RLN2: variants seen among roughly 807,000 people sequenced by gnomAD.
RLN2 encodes the protein relaxin 2, also known as prorelaxin H2.
In RLN2, 10 loss-of-function variants were observed where a neutral mutation model predicts 7.3. The observed-to-expected ratio is 1.36, with a 90% CI of 0.84 to 2.31. RLN2 has a LOEUF of 2.31. Ranked by LOEUF, RLN2 falls within the 30% of genes most tolerant of loss-of-function variation. The probability of loss-of-function intolerance (pLI) is 0.00; values close to 1 mark genes in which losing one functional copy is unlikely to be tolerated. For synonymous variants in RLN2, 103 were observed against 82.3 expected (o/e 1.25, Z -1.36); for missense variants, 298 against 217.6 (o/e 1.37, Z -2.32).
chr9:5,321,153 G>A, the RLN2 span, among the ~76,000 whole-genome samples: 1 of 152,078 alleles, frequency 6.6e-6, no homozygotes, highest in Non-Finnish European at 1.5e-5. Flanking sequence ...TCTCATATGA[G>A]TAAATTTTGA....
the RLN2 span, chr9:5,311,378 C>A: frequency 2.2e-6 from 1 of 459,040 alleles, no homozygotes; most frequent in South Asian, 2.2e-5. Context: ...GGGAAAACAG[C>A]CGGGGCTCTC....
the RLN2 span, among the ~76,000 whole-genome samples, chr9:5,325,076 A>G: frequency 6.6e-6 from 1 of 152,058 alleles, no homozygotes; most frequent in Admixed American, 6.6e-5. Context: ...CTTAAAAATA[A>G]TAATATAACA....
chr9:5,322,671 T>C, the RLN2 span, among the ~76,000 whole-genome samples: 1,287 of 150,702 alleles, frequency 8.5e-3, 15 homozygotes, highest in African/African-American at 0.029. Flanking sequence ...CTCCACTGCA[T>C]CCCAACCCAC....
rs187624534 is a variant in RLN2 at position 5,302,596 on chromosome 9, A to G, written c.211+1774T>C. 3.9e-5 allele frequency among the ~76,000 whole-genome samples: 6 copies of G among 152,336 alleles called. No homozygotes were observed. In the East Asian group the frequency reaches 9.6e-4, roughly 24 times the overall value. On this transcript the variant is annotated intron_variant, in intron 1 of 1. Transcript: ENST00000381627. The stretch of plus-strand genomic sequence containing the variant: ...TTCAGTTAAATTATACTGCACATCA[A>G]TAAAGAAAATTCTTTAAAAATACTT...
chr9:5,307,735 CT>C (rs1190524953), upstream of RLN2, among the ~76,000 whole-genome samples: 1 of 152,050 alleles, frequency 6.6e-6, no homozygotes, highest in African/African-American at 2.4e-5. Context: ...CTCCTTTCAG[CT>C]TTGTCCCAGA....
At chr9:5,337,857 T>C in the RLN2 span, among the ~76,000 whole-genome samples, 1 of 152,058 alleles carries the variant, frequency 6.6e-6, no homozygotes, top group Non-Finnish European at 1.5e-5. Context: ...ATGTGATTAA[T>C]GATTTTCAGC....
chr9:5,331,825 A>G, the RLN2 span, among the ~76,000 whole-genome samples: 1 of 152,174 alleles, frequency 6.6e-6, no homozygotes, highest in Middle Eastern at 3.4e-3. Flanking sequence ...ATAAACAAAC[A>G]AAGAAAAATA....
At chr9:5,311,113 T>C in the RLN2 span, among the ~76,000 whole-genome samples, 1 of 152,062 alleles carries the variant, frequency 6.6e-6, no homozygotes, top group Non-Finnish European at 1.5e-5. Context: ...GGCCATCACC[T>C]GACTCAAATA....
chr9:5,335,317 G>T, the RLN2 span: 1 of 1,611,630 alleles, frequency 6.2e-7, no homozygotes, highest in Non-Finnish European at 8.5e-7. Context: ...ACAGTGCCAC[G>T]TAGGGTCGTC....
the RLN2 span, among the ~76,000 whole-genome samples, chr9:5,330,454 C>A: frequency 6.6e-6 from 1 of 151,470 alleles, no homozygotes; most frequent in African/African-American, 2.4e-5. Flanking sequence ...CTGCCTCACA[C>A]AGTGAAACCC....
chr9:5,318,423 T>C, the RLN2 span, among the ~76,000 whole-genome samples: 1 of 151,980 alleles, frequency 6.6e-6, no homozygotes, highest in African/African-American at 2.4e-5. Flanking sequence ...CTGTGAAATA[T>C]GTGGATTTTT....
chr9:5,312,110 G>A, the RLN2 span, among the ~76,000 whole-genome samples: 1 of 152,000 alleles, frequency 6.6e-6, no homozygotes, highest in Non-Finnish European at 1.5e-5. Context: ...CTGGATTGAT[G>A]TGGGGAAAAC....
chr9:5,304,543 C>G lies in RLN2; in HGVS notation c.38G>C (p.Cys13Ser), dbSNP rs1816203723. The change falls in exon 1 of 2, where the codon TGT becomes TCT. Residue 13 changes from cysteine (C) to serine (S), a missense_variant. Physicochemically the swap from Cys to Ser is moderately radical, Grantham distance 112. Coordinates refer to ENST00000381627, the MANE Select transcript of RLN2 (RefSeq NM_134441.3). Reference sequence around the variant, plus strand: ...TCTGGAAAATTGGTTCAGTAGTAAACAGACTCCTAGCAGGTGGAAAAAAAA... The same window carrying G: ...TCTGGAAAATTGGTTCAGTAGTAAAGAGACTCCTAGCAGGTGGAAAAAAAA... ...RLFFFHLLGV[C>S]LLLNQFSRAV... 3.1e-6 allele frequency: 5 copies of G among 1,613,844 alleles called. No homozygotes were observed. Among genetic ancestry groups the G allele is most frequent in the Non-Finnish European group, 4.2e-6 (5 of 1,179,906 alleles).
the RLN2 span, among the ~76,000 whole-genome samples, chr9:5,317,056 G>C: frequency 6.6e-6 from 1 of 151,646 alleles, no homozygotes; most frequent in Non-Finnish European, 1.5e-5. Context: ...ACAGTAACCA[G>C]AAAACAAAAG....
the RLN2 span, chr9:5,335,546 A>G: frequency 6.2e-7 from 1 of 1,612,358 alleles, no homozygotes; most frequent in South Asian, 1.1e-5. Flanking sequence ...AATGAATTCC[A>G]ACATGATAAT....
At chr9:5,317,071 T>C in the RLN2 span, among the ~76,000 whole-genome samples, 144 of 151,712 alleles carry the variant, frequency 9.5e-4, 1 homozygote, top group South Asian at 2.5e-3. Flanking sequence ...CAAAAGATAA[T>C]AGCAGATACA....
chr9:5,305,168 C>T (rs1816220003), upstream of RLN2, among the ~76,000 whole-genome samples: 1 of 151,796 alleles, frequency 6.6e-6, no homozygotes, highest in African/African-American at 2.4e-5. Context: ...GACTTTTAAT[C>T]TGAATGCAGG....
At chr9:5,302,587 T>C (rs1816172276) in intron 1 of RLN2, among the ~76,000 whole-genome samples, 1 of 152,224 alleles carries the variant, frequency 6.6e-6, no homozygotes, top group South Asian at 2.1e-4. Context: ...TAAATTATAC[T>C]GCACATCAAT....
upstream of RLN2, chr9:5,304,843 C>A (rs529743392): frequency 3.8e-6 from 2 of 524,344 alleles, no homozygotes. Flanking sequence ...ATTTGCCCAT[C>A]CCTCTGTCCT....
Sources: gnomAD v4.1 joint callset for allele counts (sites outside exome capture counted in the v4.1 genomes callset) on GRCh38, gnomAD v4.1.1 for gene constraint, MANE v1.5 for transcripts, NCBI Gene and HGNC (gene_info 2026-07-23, HGNC 2026-07-21) for gene names.